PPP6R2: variants seen among roughly 807,000 people sequenced by gnomAD.
PPP6R2 encodes serine/threonine-protein phosphatase 6 regulatory subunit 2.
In PPP6R2, 62 loss-of-function variants were observed where a neutral mutation model predicts 100.2. The observed-to-expected ratio is 0.62, with a 90% confidence interval of 0.50 to 0.76. The LOEUF is 0.76. Ranked by LOEUF, PPP6R2 falls within the 30% of genes least tolerant of loss-of-function variation. PPP6R2 has a pLI of 0.00. For synonymous variants in PPP6R2, 525 were observed against 514.7 expected (o/e 1.02, Z -0.27); for missense variants, 1,142 against 1,276.3 (o/e 0.89, Z 1.60).
chr22:50,394,600 T>TA (rs67708136), intron 3 of PPP6R2, among the ~76,000 whole-genome samples: 9,267 of 80,480 alleles, frequency 0.12, 748 homozygotes, highest in African/African-American at 0.23. Context: ...ACCCTGTCTT[T>TA]AAAAAAAAAA....
chr22:50,438,391 G>A, intron 18 of PPP6R2, 93 bp downstream of exon 18: 2 of 1,540,914 alleles, frequency 1.3e-6, no homozygotes, highest in Non-Finnish European at 1.7e-6. Flanking sequence ...TAGCTGGCTT[G>A]CAGAGCAGCC....
intron 1 of PPP6R2, among the ~76,000 whole-genome samples, chr22:50,353,221 C>T (rs1322677098): frequency 1.3e-5 from 2 of 152,206 alleles, no homozygotes; most frequent in African/African-American, 4.8e-5. Flanking sequence ...TTTGGCCTGT[C>T]GGCTTTTGAC....
the PPP6R2 span, among the ~76,000 whole-genome samples, chr22:50,332,327 ACCC>A: frequency 6.7e-6 from 1 of 148,236 alleles, no homozygotes; most frequent in South Asian, 2.1e-4. Context: ...TCCCAGGTTC[ACCC>A]CCCCATTCTT....
At chr22:50,420,162 C>T (rs773489742) in intron 8 of PPP6R2, among the ~76,000 whole-genome samples, 1 of 152,204 alleles carries the variant, frequency 6.6e-6, no homozygotes, top group African/African-American at 2.4e-5. Context: ...GACATGCACC[C>T]AGTGCCTCGG....
intron 10 of PPP6R2, among the ~76,000 whole-genome samples, chr22:50,424,932 A>G (rs551418179): frequency 2.0e-5 from 3 of 152,112 alleles, no homozygotes; most frequent in African/African-American, 7.2e-5. Flanking sequence ...GAGCCACTGC[A>G]CCCAGCCCCT....
At chr22:50,418,034 C>T (rs1409086675) in intron 6 of PPP6R2, among the ~76,000 whole-genome samples, 1 of 152,178 alleles carries the variant, frequency 6.6e-6, no homozygotes, top group African/African-American at 2.4e-5. Context: ...AAAGATGAGT[C>T]CTCTGTTTTC....
At chr22:50,422,456 C>A in intron 9 of PPP6R2, 76 bp downstream of exon 9, 1 of 1,556,164 alleles carries the variant, frequency 6.4e-7, no homozygotes, top group Non-Finnish European at 8.8e-7. Context: ...GGAGAAGCCA[C>A]AGCTTGTCCC....
intron 22 of PPP6R2, chr22:50,443,494 C>G (rs935561282): frequency 2.4e-5 from 5 of 207,538 alleles, no homozygotes; most frequent in Admixed American, 1.1e-4. Flanking sequence ...AGGGTCCTCT[C>G]TACCCTCCCA....
intron 2 of PPP6R2, among the ~76,000 whole-genome samples, chr22:50,390,045 G>GCAGTGGTGTGATATCGGCTTACT (rs996613286): frequency 2.7e-5 from 4 of 148,628 alleles, no homozygotes; most frequent in African/African-American, 1.0e-4. Context: ...AGGCCAGAGT[G>GCAGTGGTGTGATATCGGCTTACT]CAGTGGTGTG....
intron 19 of PPP6R2, among the ~76,000 whole-genome samples, chr22:50,439,039 T>TCCAGCC (rs150915536): frequency 0.031 from 4,704 of 152,206 alleles, 98 homozygotes; most frequent in African/African-American, 0.05. Flanking sequence ...CCATCGTCCG[T>TCCAGCC]CCAGCCCCCA....
At chr22:50,396,676 A>G (rs144048785) in intron 3 of PPP6R2, among the ~76,000 whole-genome samples, 3 of 152,276 alleles carry the variant, frequency 2.0e-5, no homozygotes, top group African/African-American at 7.2e-5. Context: ...CCATTTATAG[A>G]AACTCTTTGC....
At chr22:50,440,543 C>A (rs549386341) in intron 21 of PPP6R2, among the ~76,000 whole-genome samples, 1 of 152,226 alleles carries the variant, frequency 6.6e-6, no homozygotes, top group Admixed American at 6.5e-5. Flanking sequence ...CAGGACCACA[C>A]GAGGCGGAGT....
chr22:50,437,057 T>A lies in PPP6R2; in HGVS notation c.1672T>A (p.Ser558Thr). Residue 558 changes from serine (S) to threonine (T), a missense_variant, in exon 15 of 24, where the codon TCC becomes ACC. Physicochemically the swap from Ser to Thr is moderately conservative, Grantham distance 58. Transcript: ENST00000612753. ...TGAGGGTGCTTTCCCTAACGAGCTG[T>A]CCCTTCAGCAGGTGAGGGCGTGGCC... ...DIEGAFPNELSLQQAFSDYQI... is the reference protein window; with the variant it reads ...DIEGAFPNELTLQQAFSDYQI... 1 of 1,560,666 alleles carries A rather than the reference T, an allele frequency of 6.4e-7. No homozygotes were observed. The highest frequency in any genetic ancestry group is 8.7e-7 in the Non-Finnish European group (1 of 1,152,952).
upstream of PPP6R2, among the ~76,000 whole-genome samples, chr22:50,341,994 A>G (rs2042450551): frequency 6.7e-6 from 1 of 148,968 alleles, no homozygotes; most frequent in African/African-American, 2.5e-5. Context: ...CTCCGTCTCA[A>G]AAAAAAAAAA....
At chr22:50,408,100 T>A (rs1487525831) in intron 4 of PPP6R2, among the ~76,000 whole-genome samples, 3 of 152,160 alleles carry the variant, frequency 2.0e-5, no homozygotes, top group Non-Finnish European at 4.4e-5. Context: ...TTACCCAGGC[T>A]GGTTTCGAAC....
upstream of PPP6R2, among the ~76,000 whole-genome samples, chr22:50,340,694 C>T (rs1277760245): frequency 6.6e-6 from 1 of 151,734 alleles, no homozygotes; most frequent in Non-Finnish European, 1.5e-5. Context: ...CCAGAGGCCA[C>T]TCCTAAGCAC....
chr22:50,336,593 C>T, the PPP6R2 span, among the ~76,000 whole-genome samples: 1 of 151,394 alleles, frequency 6.6e-6, no homozygotes, highest in African/African-American at 2.4e-5. Context: ...TGGGTCTCAC[C>T]GTATTGTCCT....
chr22:50,415,929 C>T (rs1217278074), intron 5 of PPP6R2, among the ~76,000 whole-genome samples, 163 bp from the exon 6 acceptor site: 1 of 152,230 alleles, frequency 6.6e-6, no homozygotes, highest in Non-Finnish European at 1.5e-5. Flanking sequence ...CCTCCCAGAA[C>T]TCAGTCATTG....
In PPP6R2 at chr22:50,368,610, A is replaced by G. The variant is rs377125396; in HGVS notation, c.-147-3410A>G. On this transcript the variant is annotated intron_variant, in intron 1 of 23. Transcript: ENST00000612753. Reference sequence around the variant, plus strand: ...TAACTATTCTTACTTTATATATTTTATTTATTATACTGGAACAGCTCGTGC... The same window carrying G: ...TAACTATTCTTACTTTATATATTTTGTTTATTATACTGGAACAGCTCGTGC... Among the ~76,000 whole-genome samples, 69 of 152,246 alleles carry G rather than the reference A, an allele frequency of 4.5e-4. No individual in the cohort carries two copies. The South Asian group carries it at 0.013, about 30-fold the overall frequency.
Sources: allele counts gnomAD v4.1 joint callset (sites outside exome capture counted in the v4.1 genomes callset), GRCh38; gene constraint gnomAD v4.1.1; transcripts MANE v1.5; gene names NCBI Gene and HGNC (gene_info 2026-07-23, HGNC 2026-07-21).